The following HDAC9 variants were observed in gnomAD, a reference collection of about 807,000 sequenced individuals.
HDAC9 encodes MEF-2 interacting transcription repressor (MITR) protein.
In HDAC9, 41 loss-of-function variants were observed where a neutral mutation model predicts 139.4. That is an observed-to-expected ratio of 0.29 (90% CI 0.23 to 0.38). The LOEUF is 0.38. HDAC9 is among the 10% of genes least tolerant of loss of function. The pLI is 1.00. For missense variants in HDAC9, 1,147 were observed against 1,297.0 expected (o/e 0.88, Z 1.78); for synonymous variants, 517 against 476.2 (o/e 1.09, Z -1.12).
chr7:18,995,718 T>C (rs1313365633), intron 25 of HDAC9, among the ~76,000 whole-genome samples: 3 of 152,278 alleles, frequency 2.0e-5, no homozygotes, highest in East Asian at 1.9e-4. Context: ...TCATAGTTAA[T>C]TTTTTCAATA....
At chr7:18,970,170 C>T (rs1196259466) in intron 24 of HDAC9, among the ~76,000 whole-genome samples, 1 of 151,922 alleles carries the variant, frequency 6.6e-6, no homozygotes, top group Non-Finnish European at 1.5e-5. Context: ...ATTTAGACCC[C>T]GTTGAAACAA....
intron 2 of HDAC9, among the ~76,000 whole-genome samples, chr7:18,253,470 T>C (rs1178495825): frequency 6.6e-6 from 1 of 152,230 alleles, no homozygotes; most frequent in Non-Finnish European, 1.5e-5. Context: ...TGGTATCTCA[T>C]TGTGGTTTTC....
At chr7:18,372,248 A>G (rs1422103052) in intron 1 of HDAC9, among the ~76,000 whole-genome samples, 1 of 152,206 alleles carries the variant, frequency 6.6e-6, no homozygotes, top group East Asian at 1.9e-4. Context: ...CAACTGTATG[A>G]ATATGAAGCT....
At chr7:18,863,452 A>G (rs1450883307) in intron 21 of HDAC9, among the ~76,000 whole-genome samples, 2 of 152,122 alleles carry the variant, frequency 1.3e-5, no homozygotes, top group Non-Finnish European at 2.9e-5. Context: ...TTTGGATTTT[A>G]TTTTTTAGTT....
chr7:18,688,966 A>T (rs962007658), intron 12 of HDAC9, among the ~76,000 whole-genome samples: 1 of 151,994 alleles, frequency 6.6e-6, no homozygotes, highest in African/African-American at 2.4e-5. Flanking sequence ...GTTTAACTTA[A>T]TGGAAGTTTT....
At chr7:18,806,850 T>C (rs1562955018) in intron 17 of HDAC9, among the ~76,000 whole-genome samples, 1 of 152,190 alleles carries the variant, frequency 6.6e-6, no homozygotes, top group African/African-American at 2.4e-5. Context: ...TAATGTGCTT[T>C]CAATTTGGTT....
At chr7:18,355,667 A>T (rs1401454933) in intron 1 of HDAC9, among the ~76,000 whole-genome samples, 10 of 152,178 alleles carry the variant, frequency 6.6e-5, no homozygotes, top group Non-Finnish European at 1.2e-4. Flanking sequence ...AAATATACAG[A>T]GTGTGAGACA....
intron 21 of HDAC9, among the ~76,000 whole-genome samples, chr7:18,849,811 C>G (rs895326587): frequency 6.6e-6 from 1 of 152,166 alleles, no homozygotes; most frequent in Non-Finnish European, 1.5e-5. Context: ...GAATGTATTA[C>G]TTTTCCTGGT....
chr7:18,714,195 T>G (rs1415370616), intron 12 of HDAC9, among the ~76,000 whole-genome samples: 2 of 152,264 alleles, frequency 1.3e-5, no homozygotes, highest in African/African-American at 2.4e-5. Flanking sequence ...TTCTGAATCC[T>G]GTGCACTTTT....
chr7:18,087,385 C>G (rs530870906), intron 1 of HDAC9, among the ~76,000 whole-genome samples: 1 of 152,138 alleles, frequency 6.6e-6, no homozygotes, highest in South Asian at 2.1e-4. Context: ...GCCCGGAGAC[C>G]GGTGGGTTTA....
At chr7:18,790,393 A>T (rs925617471) in intron 16 of HDAC9, among the ~76,000 whole-genome samples, 6 of 145,828 alleles carry the variant, frequency 4.1e-5, no homozygotes, top group Non-Finnish European at 9.0e-5. Context: ...GAGGAACTTT[A>T]GTACAAGGAA....
intron 2 of HDAC9, among the ~76,000 whole-genome samples, chr7:18,536,129 G>A (rs1348813788): frequency 6.6e-6 from 1 of 152,166 alleles, no homozygotes. Flanking sequence ...AATGCCACCA[G>A]GAAGCAGCCT....
intron 11 of HDAC9, among the ~76,000 whole-genome samples, chr7:18,652,828 G>T (rs755790605): frequency 1.3e-5 from 2 of 152,030 alleles, no homozygotes; most frequent in African/African-American, 4.8e-5. Context: ...GTATGGATGC[G>T]TTAAACAAAT....
chr7:18,496,286 T>A lies in HDAC9; in HGVS notation c.-17T>A. The A allele has an allele frequency of 1.9e-6, 3 of 1,613,142 alleles. No individual in the cohort carries two copies. Among genetic ancestry groups the A allele is most frequent in the Non-Finnish European group, 2.5e-6 (3 of 1,179,416 alleles). ...GATGGGGTGGCTGGACGAGAGCAGC[T>A]CTTGGCTCAGCAAAGAATGCACAGT... On this transcript the variant is annotated 5_prime_UTR_variant, in exon 2 of 26. Coordinates refer to ENST00000686413, the MANE Select transcript of HDAC9 (RefSeq NM_178425.4).
intron 1 of HDAC9, among the ~76,000 whole-genome samples, chr7:18,448,498 G>A (rs1792504467): frequency 6.6e-6 from 1 of 152,278 alleles, no homozygotes; most frequent in South Asian, 2.1e-4. Flanking sequence ...TTCAAATTGA[G>A]TATTAATTAT....
At chr7:18,843,446 G>T (rs1414098329) in intron 21 of HDAC9, among the ~76,000 whole-genome samples, 1 of 152,064 alleles carries the variant, frequency 6.6e-6, no homozygotes, top group Non-Finnish European at 1.5e-5. Context: ...GAATTGTCGT[G>T]TAGTTAATGC....
chr7:18,723,257 A>G (rs1785274168), intron 12 of HDAC9, among the ~76,000 whole-genome samples: 1 of 152,188 alleles, frequency 6.6e-6, no homozygotes, highest in Admixed American at 6.5e-5. Flanking sequence ...ATTCATTTAA[A>G]ACTGAAAAAT....
intron 24 of HDAC9, among the ~76,000 whole-genome samples, chr7:18,961,552 G>A (rs547896569): frequency 1.8e-4 from 27 of 152,200 alleles, no homozygotes; most frequent in South Asian, 1.5e-3. Flanking sequence ...AGTATCCTCC[G>A]GAATATACAT....
chr7:18,721,527 ATGAG>A (rs1379178872), intron 12 of HDAC9, among the ~76,000 whole-genome samples: 1 of 152,144 alleles, frequency 6.6e-6, no homozygotes, highest in Non-Finnish European at 1.5e-5. Flanking sequence ...CAAGTAGTCT[ATGAG>A]TGTCTCTTGC....
Sources: gnomAD v4.1 joint callset for allele counts (sites outside exome capture counted in the v4.1 genomes callset) on GRCh38, gnomAD v4.1.1 for gene constraint, MANE v1.5 for transcripts, NCBI Gene and HGNC (gene_info 2026-07-23, HGNC 2026-07-21) for gene names.